Variants in CPZ observed in about 807,000 individuals in gnomAD.
CPZ encodes the protein VEZT/CPZ fusion.
CPZ carries 103 observed loss-of-function variants against 61.8 expected under a neutral mutation model. The ratio of observed to expected loss-of-function variants is 1.67; its 90% confidence interval spans 1.42 to 1.96. The LOEUF (loss-of-function observed/expected upper bound fraction) is 1.96, where lower values mean the gene tolerates loss of function less well. Ranked by LOEUF, CPZ falls within the 30% of genes most tolerant of loss-of-function variation. The pLI, the probability that CPZ is intolerant of heterozygous loss-of-function variation, is 0.00. For missense variants in CPZ, 1,461 were observed against 914.9 expected (o/e 1.60, Z -7.70); for synonymous variants, 551 against 373.7 (o/e 1.47, Z -5.47).
intron 7 of CPZ, among the ~76,000 whole-genome samples, chr4:8,608,199 G>C (rs181754229): frequency 6.6e-6 from 1 of 151,032 alleles, no homozygotes; most frequent in Non-Finnish European, 1.5e-5. Context: ...ACTGCCCCTA[G>C]TGGTCCCCAC....
chr4:8,606,910 C>G lies in CPZ; in HGVS notation c.1068+12C>G. 6.3e-7 allele frequency: 1 copy of G among 1,588,290 alleles called. No homozygotes were observed. Among genetic ancestry groups the G allele is most frequent in the East Asian group, 2.3e-5 (1 of 43,386 alleles). ...ACTGGTGGGGTAAGGTAGGAGCCGCCGCTGCCCATGCTGGTCTCCACCAAG... is the reference window on the plus strand; with the variant it reads ...ACTGGTGGGGTAAGGTAGGAGCCGCGGCTGCCCATGCTGGTCTCCACCAAG... On this transcript the variant is annotated intron_variant, in intron 6 of 10. Transcript: ENST00000360986.
In CPZ at chr4:8,592,822, CGCCGCCCCACCAT is replaced by C. The variant is rs1236250701; in HGVS notation, c.-3_10del. The C allele has an allele frequency of 6.9e-6, 10 of 1,452,222 alleles. No homozygotes were observed. The highest frequency in any genetic ancestry group is 9.0e-6 in the Non-Finnish European group (10 of 1,108,070). The allele number at this position is 1,452,222 out of a possible 1,614,324, so 90.0% of individuals were successfully genotyped here. On this transcript the variant is annotated start_lost and 5_prime_UTR_variant, in exon 1 of 11. Transcript: ENST00000360986. ...ATCACTGCGCTGGCCGTCCAAGGTCCGCCGCCCCACCATGCCGCCCCCGCTGCCGCTGCTGCTC... is the reference window on the plus strand; with the variant it reads ...ATCACTGCGCTGGCCGTCCAAGGTCCGCCGCCCCCGCTGCCGCTGCTGCTC...
chr4:8,619,173 A>C, intron 10 of CPZ, 89 bp from the exon 11 acceptor site: 1 of 1,184,750 alleles, frequency 8.4e-7, no homozygotes, highest in Non-Finnish European at 1.2e-6. Flanking sequence ...CTCCCATGCT[A>C]ACCTCTCCCC....
At chr4:8,612,221 G>GGGGC in intron 8 of CPZ, 59 bp downstream of exon 8, 6 of 206,192 alleles carry the variant, frequency 2.9e-5, no homozygotes, top group Non-Finnish European at 5.8e-5. Context: ...GCTGGGTGGG[G>GGGGC]CAGGGGCAAG....
intron 6 of CPZ, 99 bp from the exon 7 acceptor site, chr4:8,607,168 C>G (rs774102876): frequency 7.9e-6 from 11 of 1,397,548 alleles, no homozygotes; most frequent in African/African-American, 2.9e-5. Context: ...CGTTAATAGT[C>G]TGCACCATTG....
rs182571084 is a variant in CPZ at position 8,611,083 on chromosome 4, C to T, written c.1228-944C>T. 3,191 of 381,094 alleles carry T rather than the reference C, an allele frequency of 8.4e-3. 97 individuals carry two copies. Among genetic ancestry groups the T allele is most frequent in the African/African-American group, 0.065 (2,839 of 43,590 alleles). 23.6% of individuals were successfully genotyped at this position (381,094 alleles called of 1,614,324 possible). On this transcript the variant is annotated intron_variant, in intron 7 of 10. Coordinates refer to ENST00000360986, the MANE Select transcript of CPZ (RefSeq NM_001014447.3). ...ACTCACTCATTCACTCATTCATTCG[C>T]TCATTCACTCACTCACTCACTCACT...
chr4:8,614,885 A>T (rs1473306054), intron 9 of CPZ, among the ~76,000 whole-genome samples: 3 of 151,886 alleles, frequency 2.0e-5, no homozygotes, highest in Non-Finnish European at 4.4e-5. Flanking sequence ...GGTAGGAGAA[A>T]TCAAACCACA....
chr4:8,612,780 C>T (rs996526530), intron 8 of CPZ, among the ~76,000 whole-genome samples: 12 of 152,208 alleles, frequency 7.9e-5, no homozygotes, highest in Non-Finnish European at 1.0e-4. Context: ...CTCTCCATGC[C>T]GGCACATCAC....
chr4:8,607,969 C>G (rs1024657741), intron 7 of CPZ, among the ~76,000 whole-genome samples: 1 of 152,172 alleles, frequency 6.6e-6, no homozygotes, highest in Non-Finnish European at 1.5e-5. Flanking sequence ...TCCTACTGTT[C>G]GTAGAGCAGC....
At chr4:8,609,047 C>CTCACCCATTCACTCACGTA (rs1560297626) in intron 7 of CPZ, among the ~76,000 whole-genome samples, 1 of 28,426 alleles carries the variant, frequency 3.5e-5, no homozygotes, top group Admixed American at 3.0e-4. Context: ...CCATTCACTC[C>CTCACCCATTCACTCACGTA]CTCCCTCCCT....
chr4:8,604,226 C>T (rs564344885), intron 4 of CPZ, 38 bp downstream of exon 4: 150 of 1,488,658 alleles, frequency 1.0e-4, no homozygotes, highest in African/African-American at 5.0e-4. Context: ...GGCCCCGTTT[C>T]GGGAAAGGGC....
Position 8,603,962 on chromosome 4 carries a change from CA to C in CPZ, c.497-13del. 1 of 1,610,532 alleles carries C rather than the reference CA, an allele frequency of 6.2e-7. No individual in the cohort carries two copies. The highest frequency in any genetic ancestry group is 1.1e-5 in the South Asian group (1 of 90,994). Reference sequence around the variant, plus strand: ...GGGCCTGACACTGACTGAGCCCCCCCACTGCTCCCCCAGGAGGCCTGGAGGC... The same window carrying C: ...GGGCCTGACACTGACTGAGCCCCCCCCTGCTCCCCCAGGAGGCCTGGAGGC... On this transcript the variant is annotated splice_polypyrimidine_tract_variant and intron_variant, in intron 3 of 10. Transcript: ENST00000360986.
At chr4:8,602,700 C>G (rs187803122) in intron 3 of CPZ, 1 of 152,286 alleles carries the variant, frequency 6.6e-6, no homozygotes, top group Non-Finnish European at 1.5e-5. Flanking sequence ...AAACAGCTAC[C>G]GAGCACCCAC....
rs116644918 is a variant in CPZ, at chr4:8,619,535, C to T, written c.1877C>T (p.Ser626Leu). ...PDPLRARRQP[S>L]ADGSKPWWWS... ...CCGCTCCGGGCGCGCAGGCAGCCCT[C>T]GGCCGACGGGAGTAAGCCCTGGTGG... is the stretch of plus-strand genomic sequence containing the variant. Residue 626 changes from serine (S) to leucine (L), a missense_variant, in exon 11 of 11, where the codon TCG (serine) becomes TTG (leucine). By Grantham distance (145) the Ser-to-Leu change is moderately radical. Coordinates refer to ENST00000360986, the MANE Select transcript of CPZ (RefSeq NM_001014447.3). The T allele has an allele frequency of 9.5e-5, 150 of 1,579,850 alleles. No individual in the cohort carries two copies. Among genetic ancestry groups the T allele is most frequent in the East Asian group, 9.2e-4 (41 of 44,430 alleles).
At chr4:8,594,949 G>A (rs945258575) in intron 1 of CPZ, among the ~76,000 whole-genome samples, 1 of 152,020 alleles carries the variant, frequency 6.6e-6, no homozygotes, top group African/African-American at 2.4e-5. Context: ...ATTTTTTGTA[G>A]TTTTAGTAGA....
intron 2 of CPZ, chr4:8,599,797 C>A (rs1364879472): frequency 2.4e-6 from 1 of 421,206 alleles, no homozygotes. Flanking sequence ...TGTCCACATG[C>A]ATTTCATGGT....
intron 1 of CPZ, among the ~76,000 whole-genome samples, 163 bp from the exon 2 acceptor site, chr4:8,599,288 CTG>C (rs1348301269): frequency 6.6e-6 from 1 of 152,220 alleles, no homozygotes; most frequent in East Asian, 1.9e-4. Flanking sequence ...ATGGGGGTGA[CTG>C]TGGTGTCTGC....
intron 9 of CPZ, 32 bp from the exon 10 acceptor site, chr4:8,618,397 C>T (rs1376012440): frequency 1.2e-6 from 2 of 1,602,820 alleles, no homozygotes; most frequent in Admixed American, 1.7e-5. Flanking sequence ...AGAGCTCACG[C>T]CATCTCCCTG....
At chr4:8,595,246 G>C (rs1382612308) in intron 1 of CPZ, among the ~76,000 whole-genome samples, 1 of 152,236 alleles carries the variant, frequency 6.6e-6, no homozygotes, top group Non-Finnish European at 1.5e-5. Context: ...CAGTGGCCAC[G>C]TGTGGCTCGT....
Sources: gnomAD v4.1 joint callset for allele counts (sites outside exome capture counted in the v4.1 genomes callset) on GRCh38, gnomAD v4.1.1 for gene constraint, MANE v1.5 for transcripts, NCBI Gene and HGNC (gene_info 2026-07-23, HGNC 2026-07-21) for gene names.